The following WWOX variants were observed in gnomAD, a reference collection of about 807,000 sequenced individuals.
The protein encoded by WWOX is WW domain-containing oxidoreductase.
WWOX carries 69 observed loss-of-function variants against 46.2 expected under a neutral mutation model. That is an observed-to-expected ratio of 1.49 (90% CI 1.23 to 1.82). WWOX has a LOEUF of 1.82. Among genes scored for constraint, WWOX ranks in the 40% most tolerant of loss-of-function variants. The pLI is 0.00. For missense variants in WWOX, 919 were observed against 542.6 expected (o/e 1.69, Z -6.89); for synonymous variants, 359 against 202.6 (o/e 1.77, Z -6.56).
chr16:78,336,832 TCCCAGGATG>T (rs1249791696), intron 5 of WWOX, among the ~76,000 whole-genome samples: 4 of 152,264 alleles, frequency 2.6e-5, no homozygotes, highest in African/African-American at 9.6e-5. Flanking sequence ...CGCTCTCATT[TCCCAGGATG>T]GAGTGCAGTG....
chr16:78,112,528 C>G (rs1037645286), intron 3 of WWOX, among the ~76,000 whole-genome samples: 22 of 152,072 alleles, frequency 1.4e-4, no homozygotes, highest in African/African-American at 5.1e-4. Flanking sequence ...CATAGGCAGC[C>G]CCAGGAAGAC....
At chr16:78,981,266 C>T (rs13331853) in intron 8 of WWOX, among the ~76,000 whole-genome samples, 21,267 of 151,914 alleles carry the variant, frequency 0.14, 1,894 homozygotes, top group East Asian at 0.29. Context: ...GATTTCTCTG[C>T]GCTGGCTGAT....
chr16:78,769,044 A>G (rs1325429724), intron 8 of WWOX, among the ~76,000 whole-genome samples: 1 of 151,992 alleles, frequency 6.6e-6, no homozygotes, highest in African/African-American at 2.4e-5. Context: ...TTTCTTCAAG[A>G]GAGTTGTTGG....
At chr16:79,030,096 A>G (rs948031018) in intron 8 of WWOX, among the ~76,000 whole-genome samples, 8 of 152,228 alleles carry the variant, frequency 5.3e-5, no homozygotes, top group African/African-American at 1.9e-4. Context: ...GATGCTATTT[A>G]TAAAACTGTT....
intron 6 of WWOX, among the ~76,000 whole-genome samples, chr16:78,390,964 G>A: frequency 6.6e-6 from 1 of 152,206 alleles, no homozygotes; most frequent in Non-Finnish European, 1.5e-5. Flanking sequence ...CAGGCTCTGA[G>A]TTCCTGTGTG....
At chr16:78,237,724 A>C in intron 5 of WWOX, 1 of 152,244 alleles carries the variant, frequency 6.6e-6, no homozygotes, top group Non-Finnish European at 1.5e-5. Context: ...TTCTTGAAGG[A>C]GGAAAATGAT....
chr16:79,142,349 G>C (rs547715082), intron 8 of WWOX, among the ~76,000 whole-genome samples: 1 of 152,300 alleles, frequency 6.6e-6, no homozygotes, highest in Non-Finnish European at 1.5e-5. Flanking sequence ...GGAACTGGCT[G>C]CACCAGCAGG....
At chr16:78,932,603 A>T (rs1399530545) in intron 8 of WWOX, among the ~76,000 whole-genome samples, 2 of 152,214 alleles carry the variant, frequency 1.3e-5, no homozygotes, top group Non-Finnish European at 2.9e-5. Flanking sequence ...GTGCCGACCA[A>T]GCGCTGGAAT....
chr16:78,944,874 C>A (rs2045919857), intron 8 of WWOX, among the ~76,000 whole-genome samples: 1 of 152,000 alleles, frequency 6.6e-6, no homozygotes, highest in Non-Finnish European at 1.5e-5. Context: ...AAGGGAGATT[C>A]TAATTGAAAA....
chr16:78,836,213 G>T (rs576510994), intron 8 of WWOX, among the ~76,000 whole-genome samples: 199 of 151,596 alleles, frequency 1.3e-3, no homozygotes, highest in Non-Finnish European at 2.5e-3. Context: ...CTCTTCCTTT[G>T]CACAGACTAA....
At chr16:78,337,093 T>G (rs2080909429) in intron 5 of WWOX, among the ~76,000 whole-genome samples, 1 of 151,948 alleles carries the variant, frequency 6.6e-6, no homozygotes, top group African/African-American at 2.4e-5. Flanking sequence ...AGGATAATCT[T>G]AATTTTAAGT....
Position 78,342,435 on chromosome 16 carries a change from A to C in WWOX, c.517-44425A>C, listed in dbSNP as rs2081033109. On this transcript the variant is annotated intron_variant, in intron 5 of 8. Transcript: ENST00000566780. Reference sequence around the variant, plus strand: ...CCTCCAAAGTCAAGGACTCTGTAACAGGATGAAGCAGCATTTTTTATGGGC... The same window carrying C: ...CCTCCAAAGTCAAGGACTCTGTAACCGGATGAAGCAGCATTTTTTATGGGC... 1.7e-5 allele frequency among the ~76,000 whole-genome samples: 2 copies of C among 121,028 alleles called. 1 individual carries two copies. Among genetic ancestry groups the C allele is most frequent in the Non-Finnish European group, 4.0e-5 (2 of 50,632 alleles). The allele number at this position is 121,028 out of a possible 152,430, so 79.4% of individuals were successfully genotyped here.
chr16:78,653,407 T>C (rs2047008700), intron 8 of WWOX, among the ~76,000 whole-genome samples: 1 of 152,246 alleles, frequency 6.6e-6, no homozygotes, highest in Non-Finnish European at 1.5e-5. Context: ...CAAAATCCTT[T>C]TGCCTCTAAT....
chr16:78,818,870 G>A (rs1181995588), intron 8 of WWOX, among the ~76,000 whole-genome samples: 1 of 152,324 alleles, frequency 6.6e-6, no homozygotes, highest in East Asian at 1.9e-4. Flanking sequence ...AGCACTGAGA[G>A]AGGGAATGTA....
chr16:78,506,447 C>G (rs183071453), intron 8 of WWOX: 2 of 152,402 alleles, frequency 1.3e-5, no homozygotes, highest in East Asian at 1.9e-4. Flanking sequence ...CCTCCACCCC[C>G]GGAAGGTATA....
intron 8 of WWOX, among the ~76,000 whole-genome samples, chr16:78,962,726 T>C (rs1216166076): frequency 6.6e-6 from 1 of 152,170 alleles, no homozygotes; most frequent in Non-Finnish European, 1.5e-5. Flanking sequence ...TTTATACAAC[T>C]GTGTAAACAC....
intron 8 of WWOX, among the ~76,000 whole-genome samples, chr16:79,026,840 A>G (rs1362565068): frequency 6.9e-6 from 1 of 145,498 alleles, no homozygotes; most frequent in African/African-American, 2.6e-5. Flanking sequence ...CATGTTAGCC[A>G]GGATGGTCTC....
At chr16:78,799,380 C>T (rs1025380661) in intron 8 of WWOX, among the ~76,000 whole-genome samples, 20 of 152,216 alleles carry the variant, frequency 1.3e-4, no homozygotes, top group African/African-American at 4.1e-4. Flanking sequence ...AACACATGCT[C>T]ACACGTCTGT....
At chr16:78,785,490 A>T (rs544097088) in intron 8 of WWOX, among the ~76,000 whole-genome samples, 14 of 152,344 alleles carry the variant, frequency 9.2e-5, no homozygotes, top group African/African-American at 3.1e-4. Context: ...TTGTGCACCT[A>T]TACATGTACA....
Sources: gnomAD v4.1 joint callset for allele counts (sites outside exome capture counted in the v4.1 genomes callset) on GRCh38, gnomAD v4.1.1 for gene constraint, MANE v1.5 for transcripts, NCBI Gene and HGNC (gene_info 2026-07-23, HGNC 2026-07-21) for gene names.